The following FNDC1 variants were observed in gnomAD, a reference collection of about 807,000 sequenced individuals.
The protein encoded by FNDC1 is fibronectin type III domain-containing protein 1.
In FNDC1, 96 loss-of-function variants were observed where a neutral mutation model predicts 168.0. That is an observed-to-expected ratio of 0.57 (90% CI 0.48 to 0.68). The LOEUF (loss-of-function observed/expected upper bound fraction) is 0.68. FNDC1 is among the 30% of genes least tolerant of loss of function. FNDC1 has a pLI of 0.00. For missense variants in FNDC1, 2,587 were observed against 2,482.1 expected (o/e 1.04, Z -0.90); for synonymous variants, 1,099 against 1,025.9 (o/e 1.07, Z -1.36).
At chr6:159,255,029 A>G (rs996202300) in intron 17 of FNDC1, among the ~76,000 whole-genome samples, 5 of 152,180 alleles carry the variant, frequency 3.3e-5, no homozygotes, top group Admixed American at 6.5e-5. Context: ...TGTCCCATCC[A>G]CATCTCCACT....
At position 159,244,879 on chromosome 6, in the gene FNDC1, C is replaced by T. The variant is rs575242699; in HGVS notation, c.4622-2022C>T. 3.9e-5 allele frequency among the ~76,000 whole-genome samples: 6 copies of T among 152,208 alleles called. No individual in the cohort carries two copies. The South Asian group carries it at 6.2e-4, about 16-fold the overall frequency. ...GGTGTCCTTGGCTGATGTATTAGTCCGTTTTCATACTGCTATAAAGATACT... is the reference window on the plus strand; with the variant it reads ...GGTGTCCTTGGCTGATGTATTAGTCTGTTTTCATACTGCTATAAAGATACT... On this transcript the variant is annotated intron_variant, in intron 14 of 22. Coordinates refer to ENST00000297267, the MANE Select transcript of FNDC1 (RefSeq NM_032532.3).
Position 159,215,083 on chromosome 6 carries a change from A to T in FNDC1, c.599A>T (p.Glu200Val). The stretch of plus-strand genomic sequence containing the variant: ...CGGGGTTTTCTCCTGGGCTACGGGG[A>T]GAGTGGCCGGAAGATGAATTATGTT... ...RSRGFLLGYG[E>V]SGRKMNYVPL... Residue 200 changes from glutamate to valine, a missense_variant, in exon 5 of 23, where the codon GAG (glutamate) becomes GTG (valine). Glu to Val is a moderately radical substitution (Grantham distance 121). Transcript: ENST00000297267. 6.2e-7 allele frequency: 1 copy of T among 1,614,046 alleles called. No homozygotes were observed. Among genetic ancestry groups the T allele is most frequent in the Non-Finnish European group, 8.5e-7 (1 of 1,179,886 alleles).
intron 9 of FNDC1, 106 bp from the exon 10 acceptor site, chr6:159,229,709 A>T: frequency 1.0e-6 from 1 of 973,116 alleles, no homozygotes; most frequent in Non-Finnish European, 1.5e-6. Flanking sequence ...CTAGTGTATT[A>T]ATTTTAGTAA....
chr6:159,247,007 C>T (rs1338230521), intron 15 of FNDC1, 38 bp downstream of exon 15: 6 of 1,359,144 alleles, frequency 4.4e-6, no homozygotes, highest in Non-Finnish European at 6.3e-6. Context: ...TGCACACTTT[C>T]TTTCCTAATC....
In FNDC1 at chr6:159,271,386, C is replaced by T; in HGVS notation, c.5629C>T (p.Pro1877Ser). ...VRFGNIGFGT[P>S]YYYVGWYECG... ...GTTTGGGAACATCGGCTTCGGAACC[C>T]CCTACTACTATGTGGGCTGGTACGA... is the stretch of plus-strand genomic sequence containing the variant. Residue 1877 changes from proline to serine, a missense_variant, in exon 23 of 23, where the codon CCC becomes TCC. Physicochemically the swap from Pro to Ser is moderately conservative, Grantham distance 74. Coordinates refer to ENST00000297267, the MANE Select transcript of FNDC1 (RefSeq NM_032532.3). 6.2e-7 allele frequency: 1 copy of T among 1,612,784 alleles called. No homozygotes were observed. Among genetic ancestry groups the T allele is most frequent in the Middle Eastern group, 1.6e-4 (1 of 6,062 alleles).
At chr6:159,194,056 T>C (rs934517523) in intron 1 of FNDC1, among the ~76,000 whole-genome samples, 3 of 152,244 alleles carry the variant, frequency 2.0e-5, no homozygotes, top group African/African-American at 7.2e-5. Context: ...TTTGGAGTCA[T>C]AGCAGGCTCT....
chr6:159,251,176 C>A, intron 16 of FNDC1, 126 bp from the exon 17 acceptor site: 2 of 676,116 alleles, frequency 3.0e-6, no homozygotes, highest in Non-Finnish European at 5.1e-6. Flanking sequence ...GGCATCAAGG[C>A]TGATGGAGCC....
In FNDC1 at chr6:159,239,812, A is replaced by AG; in HGVS notation, c.4476_4477insG (p.Thr1493AspfsTer31). 6.5e-7 allele frequency: 1 copy of AG among 1,546,240 alleles called. No individual in the cohort carries two copies. The highest frequency in any genetic ancestry group is 1.2e-5 in the South Asian group (1 of 83,762). ...CCAGGCGTCCAACAACCACAGTCCG[A>AG]ACCACTACGCGGACAACCACCACCA... On this transcript the variant is annotated frameshift_variant, in exon 14 of 23. Transcript: ENST00000297267. LOFTEE classifies it high-confidence loss of function.
At chr6:159,218,953 G>A (rs1782761145) in intron 5 of FNDC1, among the ~76,000 whole-genome samples, 1 of 152,120 alleles carries the variant, frequency 6.6e-6, no homozygotes, top group African/African-American at 2.4e-5. Flanking sequence ...ACTTGAGGTC[G>A]GAAAGTGGGC....
At chr6:159,213,262 C>G (rs926718729) in intron 4 of FNDC1, among the ~76,000 whole-genome samples, 2 of 152,168 alleles carry the variant, frequency 1.3e-5, no homozygotes, top group African/African-American at 4.8e-5. Flanking sequence ...TTTAGTGAAC[C>G]TGGCATGGTG....
intron 1 of FNDC1, among the ~76,000 whole-genome samples, chr6:159,172,028 CTT>C (rs1231039291): frequency 1.3e-5 from 2 of 152,126 alleles, no homozygotes; most frequent in Non-Finnish European, 1.5e-5. Flanking sequence ...CACTAGTAGT[CTT>C]TGAATTTTGG....
chr6:159,217,318 G>A (rs573459042), intron 5 of FNDC1, among the ~76,000 whole-genome samples: 1 of 152,304 alleles, frequency 6.6e-6, no homozygotes, highest in African/African-American at 2.4e-5. Context: ...AGCCCGGCGA[G>A]CCCACACTCC....
chr6:159,229,706 A>G (rs944141093), intron 9 of FNDC1, 109 bp from the exon 10 acceptor site: 3 of 943,142 alleles, frequency 3.2e-6, no homozygotes, highest in Admixed American at 2.4e-5. Context: ...TTGCTAGTGT[A>G]TTAATTTTAG....
Position 159,197,444 on chromosome 6 carries a change from G to A in FNDC1, c.123G>A (p.Leu41=), listed in dbSNP as rs780863090. ...SSAAASVDHP[L]KPRHVKLLST... is the part of the protein sequence containing the mutation. Reference sequence around the variant, plus strand: ...CTGTTTACATAGTTGACCACCCACTGAAGCCAAGGCATGTGAAACTGCTGT... The same window carrying A: ...CTGTTTACATAGTTGACCACCCACTAAAGCCAAGGCATGTGAAACTGCTGT... The change falls in exon 2 of 23, where the codon CTG becomes CTA. Residue 41 remains leucine (L), a synonymous_variant. Coordinates refer to ENST00000297267, the MANE Select transcript of FNDC1 (RefSeq NM_032532.3). 1.1e-5 allele frequency: 18 copies of A among 1,612,288 alleles called. No individual in the cohort carries two copies. The Middle Eastern group carries it at 8.2e-4, about 74-fold the overall frequency.
intron 17 of FNDC1, among the ~76,000 whole-genome samples, chr6:159,255,892 G>A (rs990800700): frequency 2.6e-5 from 4 of 152,216 alleles, no homozygotes; most frequent in African/African-American, 9.6e-5. Flanking sequence ...CAGGTGTCAG[G>A]GCCAAGGGTT....
chr6:159,246,860 A>C, intron 14 of FNDC1, 41 bp from the exon 15 acceptor site: 1 of 1,418,614 alleles, frequency 7.0e-7, no homozygotes, highest in Non-Finnish European at 1.0e-6. Context: ...ACCCTGGAGA[A>C]GGAGCGCTGG....
chr6:159,180,305 T>G (rs191162033), intron 1 of FNDC1, among the ~76,000 whole-genome samples: 1 of 152,162 alleles, frequency 6.6e-6, no homozygotes, highest in African/African-American at 2.4e-5. Context: ...ATGGGATTAG[T>G]TTTGGCCATC....
intron 22 of FNDC1, 124 bp downstream of exon 22, chr6:159,268,050 A>G: frequency 2.0e-6 from 2 of 979,994 alleles, no homozygotes; most frequent in Admixed American, 5.4e-5. Context: ...GGGAGCACTT[A>G]AGGTCATAAA....
At chr6:159,199,006 T>C (rs1782314295) in intron 2 of FNDC1, among the ~76,000 whole-genome samples, 1 of 152,272 alleles carries the variant, frequency 6.6e-6, no homozygotes, top group Admixed American at 6.5e-5. Context: ...CATGGGCCTC[T>C]GGCTTGAGGA....
Sources: allele counts gnomAD v4.1 joint callset (sites outside exome capture counted in the v4.1 genomes callset), GRCh38; gene constraint gnomAD v4.1.1; transcripts MANE v1.5; gene names NCBI Gene and HGNC (gene_info 2026-07-23, HGNC 2026-07-21).